CTNNA3: variants seen among roughly 807,000 people sequenced by gnomAD.
CTNNA3 encodes catenin alpha 3, also known as catenin alpha-3.
CTNNA3 carries 76 observed loss-of-function variants against 95.7 expected under a neutral mutation model. That is an observed-to-expected ratio of 0.79 (90% CI 0.66 to 0.96). The LOEUF is 0.96. Ranked by LOEUF, CTNNA3 falls within the 40% of genes least tolerant of loss-of-function variation. The pLI is 0.00. For missense variants in CTNNA3, 1,191 were observed against 1,089.8 expected (o/e 1.09, Z -1.31); for synonymous variants, 431 against 374.4 (o/e 1.15, Z -1.74).
intron 1 of CTNNA3, among the ~76,000 whole-genome samples, chr10:67,726,431 TC>T (rs1479948352): frequency 1.3e-3 from 7 of 5,312 alleles, no homozygotes; most frequent in African/African-American, 4.3e-3. Flanking sequence ...ATATATTATA[TC>T]ATATATAATA....
intron 5 of CTNNA3, among the ~76,000 whole-genome samples, chr10:67,444,346 A>T (rs558001232): frequency 2.0e-5 from 3 of 152,266 alleles, no homozygotes; most frequent in South Asian, 2.1e-4. Flanking sequence ...TCTTGAAACA[A>T]ATGACAATGG....
chr10:66,656,958 A>T (rs1439536416), intron 9 of CTNNA3, among the ~76,000 whole-genome samples: 1 of 152,134 alleles, frequency 6.6e-6, no homozygotes, highest in African/African-American at 2.4e-5. Context: ...AAGATAATCC[A>T]TATGTCCCCA....
intron 1 of CTNNA3, chr10:67,751,352 C>T (rs11814376): frequency 0.09 from 58,979 of 652,254 alleles, 3,933 homozygotes; most frequent in African/African-American, 0.27. Context: ...CGTCCTGTTG[C>T]AGGCCAGAAT....
chr10:67,495,633 G>C (rs1258948583), intron 5 of CTNNA3, among the ~76,000 whole-genome samples: 2 of 149,048 alleles, frequency 1.3e-5, no homozygotes, highest in Admixed American at 1.3e-4. Flanking sequence ...TATTTGCTCA[G>C]GAGGCACAGA....
intron 1 of CTNNA3, among the ~76,000 whole-genome samples, chr10:67,712,681 G>C (rs1020346831): frequency 6.6e-6 from 1 of 152,196 alleles, no homozygotes; most frequent in Non-Finnish European, 1.5e-5. Flanking sequence ...ACAAGCAATG[G>C]GGAAACGATT....
chr10:66,025,313 T>G (rs1458883647), intron 15 of CTNNA3, among the ~76,000 whole-genome samples: 1 of 152,206 alleles, frequency 6.6e-6, no homozygotes, highest in African/African-American at 2.4e-5. Context: ...AGCTGCTATT[T>G]CAGCAAAACC....
chr10:66,394,648 T>G (rs1020135454), intron 11 of CTNNA3, among the ~76,000 whole-genome samples: 3 of 151,580 alleles, frequency 2.0e-5, no homozygotes, highest in Non-Finnish European at 4.4e-5. Flanking sequence ...TGAGCAATTC[T>G]CCCATATTAT....
intron 7 of CTNNA3, among the ~76,000 whole-genome samples, chr10:66,970,390 A>T (rs1319319723): frequency 1.3e-5 from 2 of 152,052 alleles, no homozygotes; most frequent in African/African-American, 2.4e-5. Flanking sequence ...GATATACAGC[A>T]GATATGTAAC....
chr10:67,637,178 T>A (rs934037753), intron 2 of CTNNA3, among the ~76,000 whole-genome samples: 28 of 152,194 alleles, frequency 1.8e-4, no homozygotes, highest in Middle Eastern at 6.3e-3. Flanking sequence ...AAGGACCTGA[T>A]GGAGCTGAAA....
At chr10:66,916,529 C>A (rs997474638) in intron 7 of CTNNA3, among the ~76,000 whole-genome samples, 35 of 152,252 alleles carry the variant, frequency 2.3e-4, no homozygotes, top group African/African-American at 7.2e-4. Flanking sequence ...AAATGCAGTT[C>A]TCTGTGCTTC....
intron 12 of CTNNA3, among the ~76,000 whole-genome samples, chr10:66,297,498 C>T (rs562441269): frequency 3.5e-4 from 54 of 152,160 alleles, no homozygotes; most frequent in African/African-American, 1.3e-3. Flanking sequence ...ACCAAAAGTA[C>T]CCTGTCTTTT....
chr10:67,297,318 C>T (rs1215697843), intron 5 of CTNNA3, among the ~76,000 whole-genome samples: 1 of 152,212 alleles, frequency 6.6e-6, no homozygotes, highest in Non-Finnish European at 1.5e-5. Flanking sequence ...CTTTCCAACT[C>T]CCTGACCAGC....
In CTNNA3 at chr10:66,248,270, A is replaced by G. The variant is rs184138081; in HGVS notation, c.1884+32200T>C. 4.6e-5 allele frequency among the ~76,000 whole-genome samples: 7 copies of G among 152,070 alleles called. No homozygotes were observed. The East Asian group carries it at 1.2e-3, about 25-fold the overall frequency. ...AGATACACAAAACATAAAAAGCAAT[A>G]AATTCATCACACCACTAATGAAAAT... On this transcript the variant is annotated intron_variant, in intron 13 of 17. Transcript: ENST00000433211.
At chr10:67,541,815 T>G (rs1446442179) in intron 3 of CTNNA3, among the ~76,000 whole-genome samples, 1 of 152,122 alleles carries the variant, frequency 6.6e-6, no homozygotes, top group Non-Finnish European at 1.5e-5. Flanking sequence ...AAAGTTAAAC[T>G]GACTTCCAGA....
chr10:65,929,238 G>C (rs1296615193), intron 17 of CTNNA3, among the ~76,000 whole-genome samples: 1 of 151,490 alleles, frequency 6.6e-6, no homozygotes, highest in African/African-American at 2.4e-5. Context: ...GTTTTCCATG[G>C]TGTATATGTG....
At chr10:66,481,741 G>C (rs1839543494) in intron 11 of CTNNA3, among the ~76,000 whole-genome samples, 1 of 134,414 alleles carries the variant, frequency 7.4e-6, no homozygotes, top group Admixed American at 6.9e-5. Flanking sequence ...AAAGTGCTGG[G>C]ATTACAGGCG....
At chr10:67,723,766 C>T (rs1233092586) in intron 1 of CTNNA3, among the ~76,000 whole-genome samples, 5 of 152,108 alleles carry the variant, frequency 3.3e-5, no homozygotes, top group Non-Finnish European at 7.4e-5. Flanking sequence ...ATTCCAGTCA[C>T]GACTGTGAAG....
intron 5 of CTNNA3, among the ~76,000 whole-genome samples, chr10:67,493,486 C>T (rs533457373): frequency 2.3e-3 from 349 of 149,896 alleles, no homozygotes; most frequent in Non-Finnish European, 4.1e-3. Context: ...GGCGTGAACC[C>T]GGGAGGCGGA....
chr10:66,666,506 T>C (rs187226858), intron 9 of CTNNA3, among the ~76,000 whole-genome samples: 15 of 152,298 alleles, frequency 9.8e-5, no homozygotes, highest in Non-Finnish European at 7.4e-5. Context: ...TAAGAGTCTC[T>C]TATATACTTG....
Sources: allele counts gnomAD v4.1 joint callset (sites outside exome capture counted in the v4.1 genomes callset), GRCh38; gene constraint gnomAD v4.1.1; transcripts MANE v1.5; gene names NCBI Gene and HGNC (gene_info 2026-07-23, HGNC 2026-07-21).